The following SHLD2 variants were observed in gnomAD, a reference collection of about 807,000 sequenced individuals.
The protein encoded by SHLD2 is shieldin complex subunit 2.
Under a neutral mutation model 73.2 loss-of-function variants are expected in SHLD2, and 30 were observed. That is an observed-to-expected ratio of 0.41 (90% CI 0.31 to 0.56). The LOEUF is 0.56. Ranked by LOEUF, SHLD2 falls within the 20% of genes least tolerant of loss-of-function variation. The pLI, the probability that SHLD2 is intolerant of heterozygous loss-of-function variation, is 0.28. For missense variants in SHLD2, 745 were observed against 1,055.9 expected (o/e 0.71, Z 4.08); for synonymous variants, 285 against 370.1 (o/e 0.77, Z 2.64).
At chr10:87,185,099 A>G (rs1456029777) in intron 8 of SHLD2, among the ~76,000 whole-genome samples, 1 of 152,074 alleles carries the variant, frequency 6.6e-6, no homozygotes, top group African/African-American at 2.4e-5. Flanking sequence ...CCCTCAACCT[A>G]TGGCAACTAC....
At chr10:87,118,269 T>G (rs1336978673) in intron 2 of SHLD2, among the ~76,000 whole-genome samples, 1 of 152,332 alleles carries the variant, frequency 6.6e-6, no homozygotes, top group East Asian at 1.9e-4. Context: ...TGGAACCTTA[T>G]TATCTTTTAG....
chr10:87,135,013 T>G (rs141148641), intron 2 of SHLD2, among the ~76,000 whole-genome samples: 5,979 of 150,070 alleles, frequency 0.04, 179 homozygotes, highest in Middle Eastern at 0.085. Flanking sequence ...GCTCCTACAG[T>G]TTTTTTTTCT....
At chr10:87,105,699 C>A (rs987551642) in intron 2 of SHLD2, among the ~76,000 whole-genome samples, 2 of 152,238 alleles carry the variant, frequency 1.3e-5, no homozygotes, top group South Asian at 2.1e-4. Context: ...TTTGTGATAT[C>A]TTTCCTAAGG....
At position 87,187,178 on chromosome 10, in the gene SHLD2, A is replaced by G. The variant is rs374971640; in HGVS notation, c.2493A>G (p.Ala831=). 2.2e-5 allele frequency: 36 copies of G among 1,607,640 alleles called. No individual in the cohort carries two copies. The highest frequency in any genetic ancestry group is 3.1e-5 in the Non-Finnish European group (36 of 1,174,242). The change falls in exon 9 of 10, where the codon GCA becomes GCG. Residue 831 remains alanine, a synonymous_variant. Coordinates refer to ENST00000298786, the MANE Select transcript of SHLD2 (RefSeq NM_001330112.2). ...LIEKILLNIS[A]DCLNRVIVPS... ...AGAAGATTCTTCTCAACATTTCTGC[A>G]GACTGCCTCAACAGAGTGATAGGTA...
At chr10:87,122,145 T>C (rs1241283338) in intron 2 of SHLD2, among the ~76,000 whole-genome samples, 12 of 147,040 alleles carry the variant, frequency 8.2e-5, no homozygotes, top group Non-Finnish European at 1.3e-4. Flanking sequence ...GGTTTTTTTT[T>C]TCCATGTTGT....
chr10:87,121,579 G>T lies in SHLD2; in HGVS notation c.-6+24590G>T, dbSNP rs1451904710. Among the ~76,000 whole-genome samples the T allele has an allele frequency of 1.2e-4, 19 of 152,038 alleles. No individual in the cohort carries two copies. In the East Asian group the frequency reaches 3.7e-3, roughly 29 times the overall value. Reference sequence around the variant, plus strand: ...TCCAAAATAAATGTTATTATTTTAAGTGGAAACTGTTGTTTAATTTGATAA... The same window carrying T: ...TCCAAAATAAATGTTATTATTTTAATTGGAAACTGTTGTTTAATTTGATAA... On this transcript the variant is annotated intron_variant, in intron 2 of 9. Transcript: ENST00000298786.
upstream of SHLD2, chr10:87,094,576 T>C (rs919123849): frequency 5.0e-6 from 8 of 1,611,686 alleles, no homozygotes; most frequent in Non-Finnish European, 6.8e-6. This position sits in a 1 kb window ranked among gnomAD's most constrained non-coding sequence, Gnocchi z 6.6. Flanking sequence ...CTTGAAGAAG[T>C]TGGGGTCGTC....
intron 4 of SHLD2, among the ~76,000 whole-genome samples, chr10:87,164,206 C>T (rs1847032476): frequency 1.3e-5 from 2 of 152,042 alleles, no homozygotes; most frequent in South Asian, 4.1e-4. Context: ...GATCTGCCCA[C>T]TTTGGCCTCC....
At chr10:87,122,007 C>T (rs1428075031) in intron 2 of SHLD2, among the ~76,000 whole-genome samples, 2 of 151,888 alleles carry the variant, frequency 1.3e-5, no homozygotes, top group Admixed American at 6.6e-5. Context: ...TACAGTGATC[C>T]GCCTGCCTTG....
At chr10:87,175,373 T>C (rs1174126538) in intron 6 of SHLD2, among the ~76,000 whole-genome samples, 1 of 151,544 alleles carries the variant, frequency 6.6e-6, no homozygotes. Context: ...AAGGAATCTT[T>C]AGAAAATATT....
chr10:87,138,687 CACAA>C (rs1844974838), intron 2 of SHLD2, among the ~76,000 whole-genome samples: 1 of 152,322 alleles, frequency 6.6e-6, no homozygotes, highest in African/African-American at 2.4e-5. Flanking sequence ...GCACTAAAAA[CACAA>C]ACAGGGATAC....
rs770875696 is a variant in SHLD2, at chr10:87,152,849, G to A, written c.1495G>A (p.Val499Met). 1 of 1,611,540 alleles carries A rather than the reference G, an allele frequency of 6.2e-7. No individual in the cohort carries two copies. Residue 499 changes from valine (V) to methionine (M), a missense_variant, in exon 3 of 10, where the codon GTG becomes ATG. By Grantham distance (21) the Val-to-Met change is conservative. Coordinates refer to ENST00000298786, the MANE Select transcript of SHLD2 (RefSeq NM_001330112.2). Reference protein sequence around the residue: ...WRTAAFWAFTVFLGDIILLTD... With the variant: ...WRTAAFWAFTMFLGDIILLTD... ...GACTGCAGCATTTTGGGCATTTACAGTGTTTCTTGGAGATATAATTTTACT... is the reference window on the plus strand; with the variant it reads ...GACTGCAGCATTTTGGGCATTTACAATGTTTCTTGGAGATATAATTTTACT...
At chr10:87,129,105 T>C (rs975380454) in intron 2 of SHLD2, among the ~76,000 whole-genome samples, 3 of 151,952 alleles carry the variant, frequency 2.0e-5, no homozygotes, top group African/African-American at 7.3e-5. Flanking sequence ...TGTTTTGTTT[T>C]TTTGAGACAG....
rs1340037117 is a variant in SHLD2, at chr10:87,190,506, T to C, written c.2538T>C (p.Tyr846=). The C allele has an allele frequency of 1.2e-6, 2 of 1,611,868 alleles. No individual in the cohort carries two copies. The highest frequency in any genetic ancestry group is 1.7e-6 in the Non-Finnish European group (2 of 1,179,824). ...RVIVPSSEIT[Y]GMVVADLFHS... ...CAGTTCCTTCCTCAGAGATCACCTA[T>C]GGGATGGTCGTGGCAGACCTGTTCC... Residue 846 remains tyrosine, a synonymous_variant, in exon 10 of 10, where the codon TAT becomes TAC. Coordinates refer to ENST00000298786, the MANE Select transcript of SHLD2 (RefSeq NM_001330112.2).
intron 2 of SHLD2, among the ~76,000 whole-genome samples, chr10:87,133,347 C>T (rs994736326): frequency 1.4e-4 from 21 of 152,086 alleles, no homozygotes; most frequent in African/African-American, 5.1e-4. Flanking sequence ...CTACGATTTA[C>T]TGTATCACTT....
At chr10:87,177,066 T>C (rs1156392610) in intron 7 of SHLD2, among the ~76,000 whole-genome samples, 1 of 151,062 alleles carries the variant, frequency 6.6e-6, no homozygotes, top group Admixed American at 6.6e-5. Flanking sequence ...GGTAATGTTA[T>C]AGCATCATGT....
At chr10:87,164,470 C>T (rs7077297) in intron 4 of SHLD2, among the ~76,000 whole-genome samples, 8,797 of 151,958 alleles carry the variant, frequency 0.058, 500 homozygotes, top group African/African-American at 0.16. Flanking sequence ...TCTGGCTGGT[C>T]TCGGACTCCT....
intron 2 of SHLD2, among the ~76,000 whole-genome samples, chr10:87,121,059 AAG>A (rs1159751377): frequency 6.6e-6 from 1 of 152,168 alleles, no homozygotes; most frequent in Admixed American, 6.5e-5. Context: ...TCAAAAAAAA[AAG>A]AGTGTTTTAG....
chr10:87,128,545 T>TG (rs1391373940), intron 2 of SHLD2, among the ~76,000 whole-genome samples: 3 of 152,258 alleles, frequency 2.0e-5, no homozygotes, highest in African/African-American at 7.2e-5. Context: ...TCCTGTTTCA[T>TG]GGGAGGCAAA....
Sources: gnomAD v4.1 joint callset for allele counts (sites outside exome capture counted in the v4.1 genomes callset) on GRCh38, gnomAD v4.1.1 for gene constraint, Gnocchi (gnomAD v3.1) non-coding constraint, MANE v1.5 for transcripts, NCBI Gene and HGNC (gene_info 2026-07-23, HGNC 2026-07-21) for gene names.